The following HAO2 variants were observed in gnomAD, a reference collection of about 807,000 sequenced individuals.
The protein encoded by HAO2 is 2-Hydroxyacid oxidase 2.
HAO2 carries 42 observed loss-of-function variants against 37.4 expected under a neutral mutation model. The observed-to-expected ratio is 1.12, with a 90% CI of 0.88 to 1.45. HAO2 has a LOEUF of 1.45. HAO2 is among the 40% of genes most tolerant of loss of function. The pLI is 0.00. For synonymous variants in HAO2, 180 were observed against 162.8 expected (o/e 1.11, Z -0.81); for missense variants, 476 against 430.2 (o/e 1.11, Z -0.94).
In HAO2 at chr1:119,385,340, G is replaced by A. The variant is rs78590739; in HGVS notation, c.561+287G>A. 8,763 of 985,072 alleles carry A rather than the reference G, an allele frequency of 8.9e-3. 529 individuals carry two copies. In the African/African-American group the frequency reaches 0.14, roughly 15 times the overall value. 61.0% of individuals were successfully genotyped at this position (985,072 alleles called of 1,614,324 possible). A position where few individuals can be genotyped will look rare whatever the true frequency, so the allele number is the denominator to read the frequency against. ...GGATGCTGAGAAATAGGAAAGCCAC[G>A]GAAAATATTTTTGCACGAACTGGAG... On this transcript the variant is annotated intron_variant, in intron 4 of 7. Coordinates refer to ENST00000325945, the MANE Select transcript of HAO2 (RefSeq NM_016527.4).
chr1:119,374,072 T>C (rs1342515198), intron 1 of HAO2, among the ~76,000 whole-genome samples: 4 of 152,172 alleles, frequency 2.6e-5, no homozygotes, highest in Non-Finnish European at 5.9e-5. Context: ...ATTCCTCAGA[T>C]CACTGCAATG....
intron 2 of HAO2, 58 bp from the exon 3 acceptor site, chr1:119,382,857 C>A (rs1054528315): frequency 3.7e-5 from 57 of 1,538,826 alleles, no homozygotes; most frequent in Non-Finnish European, 4.7e-5. Flanking sequence ...CCCCAGACAA[C>A]GCCTCCCTGC....
At chr1:119,368,954 T>C (rs1648729612) in intron 1 of HAO2, 52 bp downstream of exon 1, 1 of 152,216 alleles carries the variant, frequency 6.6e-6, no homozygotes, top group South Asian at 2.1e-4. Flanking sequence ...GGTGATGAAG[T>C]GCCAGATAGG....
rs368542499 is a variant in HAO2 at position 119,380,756 on chromosome 1, A to C, written c.-8-322A>C. 9 of 1,438,014 alleles carry C rather than the reference A, an allele frequency of 6.3e-6. No individual in the cohort carries two copies. The South Asian group carries it at 9.2e-5, about 15-fold the overall frequency. The allele number at this position is 1,438,014 out of a possible 1,614,324, so 89.1% of individuals were successfully genotyped here. ...ACAAAAATAAGAATTTTTTGTAATAAGCTTTTAAGAAGTGGTGGGGCCTCA... is the reference window on the plus strand; with the variant it reads ...ACAAAAATAAGAATTTTTTGTAATACGCTTTTAAGAAGTGGTGGGGCCTCA... On this transcript the variant is annotated intron_variant, in intron 1 of 7. Transcript: ENST00000325945.
chr1:119,371,431 T>C (rs1648998976), intron 1 of HAO2, among the ~76,000 whole-genome samples: 1 of 152,200 alleles, frequency 6.6e-6, no homozygotes, highest in Non-Finnish European at 1.5e-5. Context: ...GGCTGAATAA[T>C]TAAGATTTTT....
intron 5 of HAO2, among the ~76,000 whole-genome samples, chr1:119,388,868 A>T (rs1452690480): frequency 6.6e-6 from 1 of 151,342 alleles, no homozygotes; most frequent in Admixed American, 6.6e-5. Flanking sequence ...TTTTGGTGCA[A>T]CCATCACCTG....
Position 119,386,498 on chromosome 1 carries a change from G to A in HAO2, c.562-124G>A, listed in dbSNP as rs1650390065. On this transcript the variant is annotated intron_variant, in intron 4 of 7. Coordinates refer to ENST00000325945, the MANE Select transcript of HAO2 (RefSeq NM_016527.4). ...TGGGATTACAGGCATGAGCCACCAT[G>A]CCCAGCCCTGTTCTTCCTCCTTCCA... The A allele has an allele frequency of 7.5e-6, 5 of 668,488 alleles. No homozygotes were observed. In the East Asian group the frequency reaches 1.3e-4, roughly 18 times the overall value. 41.4% of individuals were successfully genotyped at this position (668,488 alleles called of 1,614,324 possible). A position where few individuals can be genotyped will look rare whatever the true frequency, so the allele number is the denominator to read the frequency against.
intron 1 of HAO2, among the ~76,000 whole-genome samples, chr1:119,376,637 G>T (rs1166449597): frequency 6.6e-6 from 1 of 152,204 alleles, no homozygotes; most frequent in Admixed American, 6.5e-5. Flanking sequence ...CCTTTAAGCA[G>T]ATTTCTGCCT....
At chr1:119,379,563 G>A (rs1649750893) in intron 1 of HAO2, among the ~76,000 whole-genome samples, 1 of 152,180 alleles carries the variant, frequency 6.6e-6, no homozygotes, top group African/African-American at 2.4e-5. Context: ...ACCCTTTGAA[G>A]GGTGGAGTAA....
At chr1:119,372,276 G>A (rs1649096841) in intron 1 of HAO2, among the ~76,000 whole-genome samples, 1 of 152,200 alleles carries the variant, frequency 6.6e-6, no homozygotes, top group Non-Finnish European at 1.5e-5. Context: ...ATGAAGAAAA[G>A]TAGGCTTAAT....
rs932179019 is a variant in HAO2 at position 119,384,688 on chromosome 1, T to C, written c.284-88T>C. 27 of 1,037,260 alleles carry C rather than the reference T, an allele frequency of 2.6e-5. No individual in the cohort carries two copies. In the East Asian group the frequency reaches 6.0e-4, roughly 23 times the overall value. The allele number at this position is 1,037,260 out of a possible 1,614,324, so 64.3% of individuals were successfully genotyped here. On this transcript the variant is annotated intron_variant, in intron 3 of 7. Coordinates refer to ENST00000325945, the MANE Select transcript of HAO2 (RefSeq NM_016527.4). The stretch of plus-strand genomic sequence containing the variant: ...CTTTATCTGCATTCATGGGGCAAGA[T>C]GGCCAGAGGCTACACAGACTCCCAA...
At chr1:119,392,863 G>C (rs912617872) in intron 7 of HAO2, among the ~76,000 whole-genome samples, 176 bp downstream of exon 7, 2 of 152,098 alleles carry the variant, frequency 1.3e-5, no homozygotes, top group African/African-American at 4.8e-5. Context: ...GTGGAAACCA[G>C]AGCTGTCCTC....
At chr1:119,387,753 A>G (rs587752251) in intron 5 of HAO2, among the ~76,000 whole-genome samples, 1 of 152,338 alleles carries the variant, frequency 6.6e-6, no homozygotes, top group African/African-American at 2.4e-5. Context: ...AGACAACTAT[A>G]TAACCAACCT....
chr1:119,374,175 G>A (rs1649261049), intron 1 of HAO2, among the ~76,000 whole-genome samples: 1 of 152,144 alleles, frequency 6.6e-6, no homozygotes, highest in Non-Finnish European at 1.5e-5. Flanking sequence ...CCCCATGCTG[G>A]GGGCTCATCT....
At chr1:119,379,633 G>A (rs187438587) in intron 1 of HAO2, among the ~76,000 whole-genome samples, 1 of 152,280 alleles carries the variant, frequency 6.6e-6, no homozygotes, top group African/African-American at 2.4e-5. Context: ...ATACCTCAAT[G>A]TTCTCTCCTC....
At chr1:119,373,830 T>C (rs1649226157) in intron 1 of HAO2, among the ~76,000 whole-genome samples, 2 of 152,098 alleles carry the variant, frequency 1.3e-5, no homozygotes, top group Admixed American at 6.5e-5. Flanking sequence ...ATGAGAGTGG[T>C]TGAGGAGTGG....
intron 5 of HAO2, among the ~76,000 whole-genome samples, chr1:119,389,570 G>A (rs1258012689): frequency 6.6e-6 from 1 of 150,664 alleles, no homozygotes; most frequent in Non-Finnish European, 1.5e-5. Context: ...ATGTTTGTTG[G>A]CTATTTGTAT....
chr1:119,377,874 C>T (rs1426822688), intron 1 of HAO2, among the ~76,000 whole-genome samples: 1 of 152,160 alleles, frequency 6.6e-6, no homozygotes, highest in African/African-American at 2.4e-5. Flanking sequence ...TGAGACCAGC[C>T]TGGCCAACAT....
At chr1:119,378,829 A>G (rs1570762816) in intron 1 of HAO2, among the ~76,000 whole-genome samples, 1 of 152,340 alleles carries the variant, frequency 6.6e-6, no homozygotes, top group East Asian at 1.9e-4. Context: ...CCTGGTGGAG[A>G]ATTCTCATCC....
Sources: allele counts gnomAD v4.1 joint callset (sites outside exome capture counted in the v4.1 genomes callset), GRCh38; gene constraint gnomAD v4.1.1; transcripts MANE v1.5; gene names NCBI Gene and HGNC (gene_info 2026-07-23, HGNC 2026-07-21).